The following EPHA8 variants were observed in gnomAD, a reference collection of about 807,000 sequenced individuals.
EPHA8 encodes EPH receptor A8, also known as ephrin type-A receptor 8.
A neutral mutation model predicts 103.6 loss-of-function variants in EPHA8; 58 were observed. The ratio of observed to expected loss-of-function variants is 0.56; its 90% CI spans 0.45 to 0.70. The LOEUF (loss-of-function observed/expected upper bound fraction) is 0.70. Among genes scored for constraint, EPHA8 ranks in the 30% least tolerant of loss-of-function variants. The pLI, the probability that EPHA8 is intolerant of heterozygous loss-of-function variation, is 0.00. For missense variants in EPHA8, 1,304 were observed against 1,395.2 expected (o/e 0.93, Z 1.04); for synonymous variants, 559 against 572.5 (o/e 0.98, Z 0.34).
chr1:22,578,362 ATGTGTGCGTGCT>A (rs1557560462), intron 3 of EPHA8, among the ~76,000 whole-genome samples: 1 of 130,378 alleles, frequency 7.7e-6, no homozygotes, highest in Non-Finnish European at 1.6e-5. Context: ...GTGTGCGTGC[ATGTGTGCGTGCT>A]TTAGTATATG....
chr1:22,601,567 C>T, intron 16 of EPHA8, 60 bp from the exon 17 acceptor site: 1 of 1,587,006 alleles, frequency 6.3e-7, no homozygotes, highest in Non-Finnish European at 8.6e-7. Flanking sequence ...ATGGCCCTGG[C>T]TGCGTGCGCG....
At chr1:22,599,157 G>T (rs1001912805) in intron 13 of EPHA8, 110 bp downstream of exon 13, 6 of 1,231,698 alleles carry the variant, frequency 4.9e-6, no homozygotes, top group Non-Finnish European at 6.8e-6. Flanking sequence ...GCAGTTTCGG[G>T]GTGGCCCTCA....
chr1:22,568,372 C>T (rs1431849636), intron 1 of EPHA8, among the ~76,000 whole-genome samples: 3 of 152,184 alleles, frequency 2.0e-5, no homozygotes, highest in Non-Finnish European at 2.9e-5. Context: ...ACCAGTGCTC[C>T]TTCCCTGCCG....
At chr1:22,591,236 T>A (rs1174773645) in intron 5 of EPHA8, among the ~76,000 whole-genome samples, 1 of 151,310 alleles carries the variant, frequency 6.6e-6, no homozygotes, top group Non-Finnish European at 1.5e-5. Flanking sequence ...CAAAAAAAAT[T>A]TTTTTTGAGA....
chr1:22,568,515 G>T (rs75639127), intron 1 of EPHA8, among the ~76,000 whole-genome samples: 2 of 152,212 alleles, frequency 1.3e-5, no homozygotes, highest in Non-Finnish European at 2.9e-5. Flanking sequence ...CACATTCCCG[G>T]ACCTCCCTGA....
At position 22,589,061 on chromosome 1, in the gene EPHA8, A is replaced by C. The variant is rs1399599713; in HGVS notation, c.1170A>C (p.Thr390=). 1 of 1,613,268 alleles carries C rather than the reference A, an allele frequency of 6.2e-7. No individual in the cohort carries two copies. The highest frequency in any genetic ancestry group is 1.3e-5 in the African/African-American group (1 of 75,050). ...GSGTRFVPQQ[T]SLVQASLLVA... is the part of the protein sequence containing the mutation. The stretch of plus-strand genomic sequence containing the variant: ...GCACCCGCTTTGTGCCCCAGCAGAC[A>C]AGCCTGGTGCAGGCCAGCCTGCTGG... The change falls in exon 5 of 17, where the codon ACA becomes ACC. Residue 390 remains threonine, a synonymous_variant. Transcript: ENST00000166244. The surrounding 1 kb of genome is among the most constrained non-coding windows in gnomAD (Gnocchi z 4.3).
Position 22,576,150 on chromosome 1 carries a change from A to G in EPHA8, c.160-67A>G. Reference sequence around the variant, plus strand: ...TGCCAGCGTCCCCAGCACAGAACACAGGGTCATTGGCAAAAGAGGGTGAGG... The same window carrying G: ...TGCCAGCGTCCCCAGCACAGAACACGGGGTCATTGGCAAAAGAGGGTGAGG... On this transcript the variant is annotated intron_variant, in intron 2 of 16. Transcript: ENST00000166244. The surrounding 1 kb of genome is among the most constrained non-coding windows in gnomAD (Gnocchi z 4.8). 2 of 1,524,746 alleles carry G rather than the reference A, an allele frequency of 1.3e-6. No individual in the cohort carries two copies. The highest frequency in any genetic ancestry group is 1.8e-6 in the Non-Finnish European group (2 of 1,129,338). 94.5% of individuals were successfully genotyped at this position (1,524,746 alleles called of 1,614,324 possible).
In EPHA8 at chr1:22,594,751, A is replaced by G. The variant is rs112662013; in HGVS notation, c.1604-479A>G. Among the ~76,000 whole-genome samples the G allele has an allele frequency of 5.5e-3, 836 of 152,260 alleles. 10 individuals are homozygous for G. The highest frequency in any genetic ancestry group is 0.019 in the African/African-American group (783 of 41,548). On this transcript the variant is annotated intron_variant, in intron 7 of 16. Coordinates refer to ENST00000166244, the MANE Select transcript of EPHA8 (RefSeq NM_020526.5). Reference sequence around the variant, plus strand: ...CCCAGATGGGAATCCTGAGCCCTCCATCCCATGTACTGTGTGGCCTCAAGT... The same window carrying G: ...CCCAGATGGGAATCCTGAGCCCTCCGTCCCATGTACTGTGTGGCCTCAAGT...
chr1:22,578,992 C>T (rs1419892008), intron 3 of EPHA8, among the ~76,000 whole-genome samples: 1 of 136,520 alleles, frequency 7.3e-6, no homozygotes, highest in Non-Finnish European at 1.6e-5. Context: ...TGTATGTGTG[C>T]ATGTGTATAT....
At chr1:22,578,775 A>G (rs1640910020) in intron 3 of EPHA8, among the ~76,000 whole-genome samples, 1 of 145,818 alleles carries the variant, frequency 6.9e-6, no homozygotes, top group African/African-American at 2.6e-5. Flanking sequence ...ATGTATGTGT[A>G]CGTGTGGGCA....
At chr1:22,585,311 A>G (rs1175659749) in intron 3 of EPHA8, among the ~76,000 whole-genome samples, 1 of 152,096 alleles carries the variant, frequency 6.6e-6, no homozygotes, top group African/African-American at 2.4e-5. Context: ...ACCAGGTTTC[A>G]TTGTCTAAGC....
At chr1:22,585,027 C>CTGTGTGTGTGTGTGTG (rs772415643) in intron 3 of EPHA8, among the ~76,000 whole-genome samples, 1,595 of 147,546 alleles carry the variant, frequency 0.011, 22 homozygotes, top group African/African-American at 0.031. Context: ...GGTCGTTTCT[C>CTGTGTGTGTGTGTGTG]TGTGTGTGTG....
At position 22,563,608 on chromosome 1, in the gene EPHA8, GC is replaced by G. The variant is rs1388015407; in HGVS notation, c.-23del. 1 of 124,996 alleles carries G rather than the reference GC, an allele frequency of 8.0e-6. No homozygotes were observed. The highest frequency in any genetic ancestry group is 1.6e-5 in the Non-Finnish European group (1 of 61,544). The allele number at this position is 124,996 out of a possible 1,614,324, so 7.7% of individuals were successfully genotyped here. A position where few individuals can be genotyped will look rare whatever the true frequency, so the allele number is the denominator to read the frequency against. ...GCGGCCAAGCCCGAGGGTGCGTGGC[GC>G]CCCCGCCCGCCCGGCCCGGCCCGGC... On this transcript the variant is annotated 5_prime_UTR_variant, in exon 1 of 17. Coordinates refer to ENST00000166244, the MANE Select transcript of EPHA8 (RefSeq NM_020526.5). This position sits in a 1 kb window ranked among gnomAD's most constrained non-coding sequence, Gnocchi z 4.4.
chr1:22,590,840 C>T (rs368569285), intron 5 of EPHA8, among the ~76,000 whole-genome samples: 1 of 152,126 alleles, frequency 6.6e-6, no homozygotes, highest in South Asian at 2.1e-4. Flanking sequence ...TGTCTCCATT[C>T]GGTTATGTGA....
rs750454732 is a variant in EPHA8 at position 22,576,720 on chromosome 1, C to T, written c.663C>T (p.Ala221=). ...LAAFSEAVTG[A]DSSSLVEVRG... is the part of the protein sequence containing the mutation. ...CCTTCTCGGAGGCAGTGACGGGGGCCGACTCGTCCTCACTGGTGGAGGTGA... is the reference window on the plus strand; with the variant it reads ...CCTTCTCGGAGGCAGTGACGGGGGCTGACTCGTCCTCACTGGTGGAGGTGA... Residue 221 remains alanine (A), a synonymous_variant, in exon 3 of 17, where the codon GCC becomes GCT. Transcript: ENST00000166244. The surrounding 1 kb of genome is among the most constrained non-coding windows in gnomAD (Gnocchi z 4.8). The T allele has an allele frequency of 7.4e-6, 12 of 1,613,694 alleles. No homozygotes were observed. The highest frequency in any genetic ancestry group is 2.7e-5 in the African/African-American group (2 of 74,932).
chr1:22,578,432 G>A (rs1312033317), intron 3 of EPHA8, among the ~76,000 whole-genome samples: 2 of 144,592 alleles, frequency 1.4e-5, no homozygotes, highest in Non-Finnish European at 3.0e-5. Flanking sequence ...GTACGTATGT[G>A]TACGTGTGTG....
rs199965008 is a variant in EPHA8 at position 22,589,212 on chromosome 1, C to T, written c.1315+6C>T. On this transcript the variant is annotated splice_donor_region_variant and intron_variant, in intron 5 of 16. Coordinates refer to ENST00000166244, the MANE Select transcript of EPHA8 (RefSeq NM_020526.5). This position sits in a 1 kb window ranked among gnomAD's most constrained non-coding sequence, Gnocchi z 4.3. ...CATCACCACGAACCAGGCAGGTAGG[C>T]GGAGAAACTCCGTCCCGCAGCGTCC... The T allele has an allele frequency of 2.1e-5, 34 of 1,613,924 alleles. No individual in the cohort carries two copies. Among genetic ancestry groups the T allele is most frequent in the Admixed American group, 6.7e-5 (4 of 60,032 alleles).
chr1:22,598,945 C>T lies in EPHA8; in HGVS notation c.2286C>T (p.Ala762=), dbSNP rs780577963. 45 of 1,612,554 alleles carry T rather than the reference C, an allele frequency of 2.8e-5. No individual in the cohort carries two copies. In the East Asian group the frequency reaches 3.6e-4, roughly 13 times the overall value. Residue 762 remains alanine (A), a synonymous_variant, in exon 13 of 17, where the codon GCC becomes GCT. Coordinates refer to ENST00000166244, the MANE Select transcript of EPHA8 (RefSeq NM_020526.5). This position sits in a 1 kb window ranked among gnomAD's most constrained non-coding sequence, Gnocchi z 5.1. The part of the protein sequence containing the change: ...SDLGYVHRDL[A]ARNVLVDSNL... ...TGGGCTATGTCCACCGAGACCTGGC[C>T]GCCCGCAACGTCCTGGTTGACAGCA... is the stretch of plus-strand genomic sequence containing the variant.
chr1:22,578,017 GTGTA>G (rs1640792736), intron 3 of EPHA8, among the ~76,000 whole-genome samples: 1 of 63,780 alleles, frequency 1.6e-5, no homozygotes, highest in Non-Finnish European at 3.3e-5. Context: ...GCATGTGTAT[GTGTA>G]CATGTGTGCA....
Sources: allele counts gnomAD v4.1 joint callset (sites outside exome capture counted in the v4.1 genomes callset), GRCh38; gene constraint gnomAD v4.1.1; non-coding constraint Gnocchi (gnomAD v3.1); transcripts MANE v1.5; gene names NCBI Gene and HGNC (gene_info 2026-07-23, HGNC 2026-07-21).